VASH1: variants seen among roughly 807,000 people sequenced by gnomAD.
VASH1 encodes the protein vasohibin 1.
A neutral mutation model predicts 35.0 loss-of-function variants in VASH1; 16 were observed. The observed-to-expected ratio is 0.46, with a 90% CI of 0.31 to 0.70. The LOEUF (loss-of-function observed/expected upper bound fraction) is 0.70, where lower values mean the gene tolerates loss of function less well. Ranked by LOEUF, VASH1 falls within the 30% of genes least tolerant of loss-of-function variation. The pLI is 0.05. For missense variants in VASH1, 505 were observed against 510.7 expected (o/e 0.99, Z 0.11); for synonymous variants, 214 against 200.9 (o/e 1.07, Z -0.55).
chr14:76,778,843 G>C, intron 6 of VASH1, 103 bp from the exon 7 acceptor site: 3 of 1,140,802 alleles, frequency 2.6e-6, no homozygotes, highest in East Asian at 4.7e-5. Context: ...GCCACTTGGA[G>C]AATGTGGCGG....
intron 1 of VASH1, among the ~76,000 whole-genome samples, chr14:76,767,507 T>C (rs1670261632): frequency 6.6e-6 from 1 of 152,172 alleles, no homozygotes; most frequent in African/African-American, 2.4e-5. Context: ...GGGGGAATCC[T>C]TGGCCTTGGC....
chr14:76,779,676 A>T lies in VASH1; in HGVS notation c.*658A>T, dbSNP rs1429799982. On this transcript the variant is annotated 3_prime_UTR_variant, in exon 7 of 7. Transcript: ENST00000167106. The stretch of plus-strand genomic sequence containing the variant: ...ATGGGCAGTGCTGTGTGGGCAGAGG[A>T]GGGGTGATATGAGAGCGAGCCCAGG... 1.5e-5 allele frequency: 9 copies of T among 600,468 alleles called. No homozygotes were observed. In the East Asian group the frequency reaches 2.5e-4, roughly 17 times the overall value. The allele number at this position is 600,468 out of a possible 1,614,324, so 37.2% of individuals were successfully genotyped here.
chr14:76,772,753 C>G (rs977933943), intron 3 of VASH1, among the ~76,000 whole-genome samples: 2 of 152,216 alleles, frequency 1.3e-5, no homozygotes, highest in African/African-American at 2.4e-5. Context: ...GGGAAGAGAT[C>G]GATGCTGACG....
At chr14:76,777,875 C>T (rs892153034) in intron 5 of VASH1, 84 bp from the exon 6 acceptor site, 3 of 1,105,806 alleles carry the variant, frequency 2.7e-6, no homozygotes, top group Non-Finnish European at 3.6e-6. Context: ...AGGGCAGCCT[C>T]CAGGGACCTG....
Position 76,775,904 on chromosome 14 carries a change from C to G in VASH1, c.543C>G (p.Asn181Lys), listed in dbSNP as rs753480615. The G allele has an allele frequency of 6.3e-7, 1 of 1,582,896 alleles. No individual in the cohort carries two copies. The highest frequency in any genetic ancestry group is 8.6e-7 in the Non-Finnish European group (1 of 1,163,268). The stretch of plus-strand genomic sequence containing the variant: ...GGGCACTGGCCAGTTACCTCACCAA[C>G]AGCATGCCCACCCTGGAGCGCTTCC... ...EAVILGIYLT[N>K]SMPTLERFPI... The change falls in exon 5 of 7, where the codon AAC becomes AAG. Residue 181 changes from asparagine to lysine, a missense_variant. Transcript: ENST00000167106.
At position 76,762,853 on chromosome 14, in the gene VASH1, G is replaced by A; in HGVS notation, c.32G>A (p.Gly11Asp). 2 of 1,511,118 alleles carry A rather than the reference G, an allele frequency of 1.3e-6. No individual in the cohort carries two copies. The highest frequency in any genetic ancestry group is 2.4e-5 in the East Asian group (1 of 41,742). 93.6% of individuals were successfully genotyped at this position (1,511,118 alleles called of 1,614,324 possible). MPGGKKVAGG[G>D]SSGATPTSAA... ...GGGGGGAAGAAGGTGGCTGGGGGTG[G>A]CAGCAGCGGTGCCACTCCAACGTCC... Residue 11 changes from glycine (G) to aspartate (D), a missense_variant, in exon 1 of 7, where the codon GGC becomes GAC. Gly to Asp is a moderately conservative substitution (Grantham distance 94, BLOSUM62 -1). Transcript: ENST00000167106.
chr14:76,770,007 C>G lies in VASH1; in HGVS notation c.354C>G (p.Val118=), dbSNP rs149417254. The change falls in exon 2 of 7, where the codon GTC becomes GTG. Residue 118 remains valine, a synonymous_variant. Coordinates refer to ENST00000167106, the MANE Select transcript of VASH1 (RefSeq NM_014909.5). ...CTACGTTCCAGCCGTCTACACCTGTCCCTGAGCGCCTGGAAGCTGTGCAGC... is the reference window on the plus strand; with the variant it reads ...CTACGTTCCAGCCGTCTACACCTGTGCCTGAGCGCCTGGAAGCTGTGCAGC... ...SVPTFQPSTP[V]PERLEAVQRY... 1 of 1,614,150 alleles carries G rather than the reference C, an allele frequency of 6.2e-7. No individual in the cohort carries two copies. The highest frequency in any genetic ancestry group is 2.2e-5 in the East Asian group (1 of 44,882).
intron 2 of VASH1, 37 bp from the exon 3 acceptor site, chr14:76,771,153 C>A: frequency 6.6e-7 from 1 of 1,518,660 alleles, no homozygotes; most frequent in South Asian, 1.3e-5. Context: ...CAACCTCCTT[C>A]AGGCCAAGCT....
At chr14:76,770,986 A>T (rs1328554407) in intron 2 of VASH1, among the ~76,000 whole-genome samples, 2 of 152,212 alleles carry the variant, frequency 1.3e-5, no homozygotes, top group Admixed American at 6.5e-5. Flanking sequence ...TTGTCCTAAG[A>T]AGAGAAGCCA....
At position 76,779,249 on chromosome 14, in the gene VASH1, A is replaced by G; in HGVS notation, c.*231A>G. 2 of 699,198 alleles carry G rather than the reference A, an allele frequency of 2.9e-6. No individual in the cohort carries two copies. The highest frequency in any genetic ancestry group is 1.7e-5 in the African/African-American group (1 of 57,196). 43.3% of individuals were successfully genotyped at this position (699,198 alleles called of 1,614,324 possible). A position where few individuals can be genotyped will look rare whatever the true frequency, so the allele number is the denominator to read the frequency against. On this transcript the variant is annotated 3_prime_UTR_variant, in exon 7 of 7. Coordinates refer to ENST00000167106, the MANE Select transcript of VASH1 (RefSeq NM_014909.5). Reference sequence around the variant, plus strand: ...TTTATTTGGAGTTTTTAACTCTACAACTGAAGTTTAAGGTATTTGGGGAAA... The same window carrying G: ...TTTATTTGGAGTTTTTAACTCTACAGCTGAAGTTTAAGGTATTTGGGGAAA...
Position 76,769,957 on chromosome 14 carries a change from C to T in VASH1, c.310-6C>T, listed in dbSNP as rs759501121. 6.2e-7 allele frequency: 1 copy of T among 1,613,742 alleles called. No homozygotes were observed. Among genetic ancestry groups the T allele is most frequent in the South Asian group, 1.1e-5 (1 of 91,072 alleles). ...CTTGTGACCGGAGCTCTTTCTCTGT[C>T]CCCAGATCCCCATACCGAGTGTGCC... On this transcript the variant is annotated splice_polypyrimidine_tract_variant and splice_region_variant and intron_variant, in intron 1 of 6. Transcript: ENST00000167106.
intron 1 of VASH1, among the ~76,000 whole-genome samples, chr14:76,765,416 A>T (rs1482453138): frequency 1.3e-5 from 2 of 152,178 alleles, no homozygotes; most frequent in Admixed American, 6.5e-5. Context: ...GATAAATCGC[A>T]TGAGTCTGCA....
chr14:76,762,907 G>C lies in VASH1; in HGVS notation c.86G>C (p.Arg29Thr). 1 of 1,579,552 alleles carries C rather than the reference G, an allele frequency of 6.3e-7. No homozygotes were observed. The highest frequency in any genetic ancestry group is 8.6e-7 in the Non-Finnish European group (1 of 1,164,160). ...GCGGCCACCGCCCCCTCTGGGGTCA[G>C]GCGTTTGGAGACCAGCGAAGGAACC... Reference protein sequence around the residue: ...SAAATAPSGVRRLETSEGTSA... With the variant: ...SAAATAPSGVTRLETSEGTSA... Residue 29 changes from arginine to threonine, a missense_variant, in exon 1 of 7, where the codon AGG (arginine) becomes ACG (threonine). Coordinates refer to ENST00000167106, the MANE Select transcript of VASH1 (RefSeq NM_014909.5).
intron 5 of VASH1, among the ~76,000 whole-genome samples, chr14:76,776,518 G>A (rs1312099218): frequency 6.6e-6 from 1 of 152,152 alleles, no homozygotes; most frequent in East Asian, 1.9e-4. Context: ...GGTCACTGGT[G>A]GAGAATCACG....
At chr14:76,772,665 G>A (rs146166890) in intron 3 of VASH1, among the ~76,000 whole-genome samples, 1 of 152,252 alleles carries the variant, frequency 6.6e-6, no homozygotes, top group African/African-American at 2.4e-5. Flanking sequence ...AGGCAGCTGC[G>A]GGGAGGCAGT....
At chr14:76,769,549 C>T in intron 1 of VASH1, 3 of 1,205,388 alleles carry the variant, frequency 2.5e-6, no homozygotes, top group Non-Finnish European at 3.3e-6. Context: ...GAAGATGGGA[C>T]CCCGGATATA....
chr14:76,768,503 C>T (rs1893704293), intron 1 of VASH1, among the ~76,000 whole-genome samples: 1 of 152,114 alleles, frequency 6.6e-6, no homozygotes, highest in Non-Finnish European at 1.5e-5. Context: ...GGCCCCTTCC[C>T]TCCTGCGTCT....
In VASH1 at chr14:76,777,716, C is replaced by A. The variant is rs548921064; in HGVS notation, c.913-243C>A. Reference sequence around the variant, plus strand: ...CAATATTATGGTATCTCAGTGACTTCCCCCACTTCCACTCTGCCTTCAGGA... The same window carrying A: ...CAATATTATGGTATCTCAGTGACTTACCCCACTTCCACTCTGCCTTCAGGA... On this transcript the variant is annotated intron_variant, in intron 5 of 6. Transcript: ENST00000167106. Among the ~76,000 whole-genome samples the A allele has an allele frequency of 6.6e-5, 10 of 152,310 alleles. No individual in the cohort carries two copies. The South Asian group carries it at 2.1e-3, about 32-fold the overall frequency.
intron 5 of VASH1, among the ~76,000 whole-genome samples, chr14:76,777,423 C>G (rs148289580): frequency 7.1e-4 from 108 of 152,360 alleles, no homozygotes; most frequent in African/African-American, 2.5e-3. Flanking sequence ...CCAGCCTATT[C>G]AGTGCTAAAC....
Sources: gnomAD v4.1 joint callset for allele counts (sites outside exome capture counted in the v4.1 genomes callset) on GRCh38, gnomAD v4.1.1 for gene constraint, MANE v1.5 for transcripts, NCBI Gene and HGNC (gene_info 2026-07-23, HGNC 2026-07-21) for gene names.